The following COL5A2 variants were observed in gnomAD, a reference collection of about 807,000 sequenced individuals.
COL5A2 encodes collagen alpha-2(V) chain.
In COL5A2, 23 loss-of-function variants were observed where a neutral mutation model predicts 208.2. The ratio of observed to expected loss-of-function variants is 0.11; its 90% CI spans 0.08 to 0.16. The LOEUF (loss-of-function observed/expected upper bound fraction) is 0.16. Ranked by LOEUF, COL5A2 falls within the 10% of genes least tolerant of loss-of-function variation. COL5A2 has a pLI of 1.00. For synonymous variants in COL5A2, 625 were observed against 628.5 expected, an observed-to-expected ratio of 0.99 and a Z score of 0.08; for missense variants, 1,590 against 1,956.4, an observed-to-expected ratio of 0.81 and a Z score of 3.53.
the COL5A2 span, among the ~76,000 whole-genome samples, chr2:189,421,229 T>C: frequency 6.6e-6 from 1 of 152,138 alleles, no homozygotes. Flanking sequence ...ATCTCTCTCC[T>C]GCTCTCAAAT....
intron 47 of COL5A2, among the ~76,000 whole-genome samples, chr2:189,043,472 TATA>T (rs1367599517): frequency 3.3e-5 from 5 of 152,150 alleles, no homozygotes; most frequent in African/African-American, 1.2e-4. Flanking sequence ...TGAAAAAAGA[TATA>T]ATAAGAATAC....
intron 38 of COL5A2, 101 bp downstream of exon 38, chr2:189,053,323 A>C (rs1174798107): frequency 9.0e-7 from 1 of 1,115,118 alleles, no homozygotes; most frequent in East Asian, 2.5e-5. Flanking sequence ...AAAACTGTAA[A>C]TTTTCCAGAA....
At chr2:189,242,116 T>C in the COL5A2 span, among the ~76,000 whole-genome samples, 1 of 152,238 alleles carries the variant, frequency 6.6e-6, no homozygotes, top group Non-Finnish European at 1.5e-5. Flanking sequence ...AGCCTTGTCA[T>C]ATGTATAGTG....
the COL5A2 span, among the ~76,000 whole-genome samples, chr2:189,425,283 C>T: frequency 6.6e-6 from 1 of 152,084 alleles, no homozygotes; most frequent in East Asian, 1.9e-4. Context: ...TTATAGGAAA[C>T]AATATGGAGT....
chr2:189,053,781 G>C, intron 37 of COL5A2, 114 bp downstream of exon 37: 4 of 977,416 alleles, frequency 4.1e-6, no homozygotes, highest in Non-Finnish European at 3.1e-6. Flanking sequence ...AAACCAGGAA[G>C]TTATACATAA....
chr2:189,265,372 C>T, the COL5A2 span, among the ~76,000 whole-genome samples: 5 of 152,152 alleles, frequency 3.3e-5, no homozygotes, highest in Non-Finnish European at 7.4e-5. Context: ...GAGCCCCCTT[C>T]CTTGACTCTC....
intron 21 of COL5A2, 40 bp from the exon 22 acceptor site, chr2:189,066,822 TTAGC>T: frequency 1.3e-6 from 2 of 1,487,004 alleles, no homozygotes; most frequent in Non-Finnish European, 1.9e-6. Context: ...ACCAGGACAT[TTAGC>T]TAGTCCAATC....
At chr2:189,348,739 A>G in the COL5A2 span, among the ~76,000 whole-genome samples, 3 of 152,190 alleles carry the variant, frequency 2.0e-5, no homozygotes, top group Non-Finnish European at 2.9e-5. Context: ...CATAAGCTGC[A>G]CCCAGACTCC....
the COL5A2 span, among the ~76,000 whole-genome samples, chr2:189,314,791 T>C: frequency 6.6e-6 from 1 of 152,142 alleles, no homozygotes; most frequent in Non-Finnish European, 1.5e-5. Context: ...CATCAGAGAA[T>C]ATTATGAACA....
At chr2:189,399,344 A>G in the COL5A2 span, among the ~76,000 whole-genome samples, 1 of 149,374 alleles carries the variant, frequency 6.7e-6, no homozygotes, top group African/African-American at 2.5e-5. Flanking sequence ...TCCACCTCCC[A>G]GGTTCAAATG....
chr2:189,275,147 C>T, the COL5A2 span, among the ~76,000 whole-genome samples: 1 of 152,104 alleles, frequency 6.6e-6, no homozygotes, highest in Non-Finnish European at 1.5e-5. Context: ...AGATGATTAA[C>T]AGAAACACAG....
intron 1 of COL5A2, among the ~76,000 whole-genome samples, chr2:189,209,438 ACTGTT>A (rs1198148081): frequency 6.6e-6 from 1 of 152,230 alleles, no homozygotes. Flanking sequence ...ATATACAGGT[ACTGTT>A]CTAAGTTCCA....
the COL5A2 span, among the ~76,000 whole-genome samples, chr2:189,280,424 A>G: frequency 6.6e-6 from 1 of 152,162 alleles, no homozygotes; most frequent in Non-Finnish European, 1.5e-5. Context: ...ACTTCCTACT[A>G]TGCTTGAAAT....
At chr2:189,242,300 C>A in the COL5A2 span, among the ~76,000 whole-genome samples, 1 of 152,168 alleles carries the variant, frequency 6.6e-6, no homozygotes, top group Non-Finnish European at 1.5e-5. Context: ...GTTTTACACA[C>A]ATGGCCGTTA....
chr2:189,050,458 T>C, intron 43 of COL5A2, 111 bp downstream of exon 43: 1 of 841,216 alleles, frequency 1.2e-6, no homozygotes, highest in Admixed American at 2.3e-5. Context: ...AAAATTAATG[T>C]CCCTACAATA....
intron 1 of COL5A2, among the ~76,000 whole-genome samples, chr2:189,131,669 G>A (rs1687718113): frequency 6.6e-6 from 1 of 152,132 alleles, no homozygotes; most frequent in Admixed American, 6.6e-5. Context: ...ATAATTTTTT[G>A]TGTAATTAGG....
chr2:189,186,107 C>T (rs1285792540), intron 1 of COL5A2, among the ~76,000 whole-genome samples: 2 of 151,832 alleles, frequency 1.3e-5, no homozygotes, highest in Non-Finnish European at 2.9e-5. Flanking sequence ...AACTCCTGAG[C>T]TCAAGGGATC....
chr2:189,279,027 C>T, the COL5A2 span, among the ~76,000 whole-genome samples: 109 of 151,958 alleles, frequency 7.2e-4, no homozygotes, highest in African/African-American at 2.5e-3. Flanking sequence ...TGCTCTTCCT[C>T]TATAATGTGT....
chr2:189,236,025 A>G, the COL5A2 span, among the ~76,000 whole-genome samples: 1 of 151,400 alleles, frequency 6.6e-6, no homozygotes, highest in African/African-American at 2.4e-5. Context: ...ACACCTGAAC[A>G]CCAAGTCTCT....
Sources: gnomAD v4.1 joint callset for allele counts (sites outside exome capture counted in the v4.1 genomes callset) on GRCh38, gnomAD v4.1.1 for gene constraint, MANE v1.5 for transcripts, NCBI Gene and HGNC (gene_info 2026-07-23, HGNC 2026-07-21) for gene names.